The following MPP7 variants were observed in gnomAD, a reference collection of about 807,000 sequenced individuals.
The protein encoded by MPP7 is MAGUK p55 subfamily member 7.
Under a neutral mutation model 76.5 loss-of-function variants are expected in MPP7, and 60 were observed. The observed-to-expected ratio is 0.78, with a 90% CI of 0.64 to 0.97. The LOEUF (loss-of-function observed/expected upper bound fraction) is 0.97, where lower values mean the gene tolerates loss of function less well. Among genes scored for constraint, MPP7 ranks in the 50% least tolerant of loss-of-function variants. MPP7 has a pLI of 0.00. For synonymous variants in MPP7, 237 were observed against 244.5 expected, an observed-to-expected ratio of 0.97 and a Z score of 0.29; for missense variants, 641 against 694.0, an observed-to-expected ratio of 0.92 and a Z score of 0.86.
At chr10:28,094,124 T>G (rs181687263) in intron 11 of MPP7, among the ~76,000 whole-genome samples, 52 of 152,252 alleles carry the variant, frequency 3.4e-4, no homozygotes, top group African/African-American at 1.3e-3. Flanking sequence ...CTGAGTCTGC[T>G]CCCCGCGGGG....
intron 5 of MPP7, among the ~76,000 whole-genome samples, chr10:28,137,372 T>C (rs1835382239): frequency 6.6e-6 from 1 of 152,328 alleles, no homozygotes; most frequent in Admixed American, 6.5e-5. Context: ...TGTTGGCAGA[T>C]GGAAATGTGG....
At chr10:28,222,800 C>T (rs1157582048) in intron 2 of MPP7, among the ~76,000 whole-genome samples, 1 of 145,976 alleles carries the variant, frequency 6.9e-6, no homozygotes, top group African/African-American at 2.6e-5. Flanking sequence ...TGCAGTGAGC[C>T]AAGATCGCGC....
At chr10:28,195,433 A>C (rs959255339) in intron 3 of MPP7, among the ~76,000 whole-genome samples, 1 of 152,230 alleles carries the variant, frequency 6.6e-6, no homozygotes, top group Non-Finnish European at 1.5e-5. Flanking sequence ...GCAATAACTT[A>C]TACACAAATG....
rs546717117 is a variant in MPP7, at chr10:28,129,939, T to C, written c.447+1621A>G. Among the ~76,000 whole-genome samples, 537 of 152,270 alleles carry C rather than the reference T, an allele frequency of 3.5e-3. 2 individuals carry two copies. Among genetic ancestry groups the C allele is most frequent in the African/African-American group, 0.012 (502 of 41,550 alleles). On this transcript the variant is annotated intron_variant, in intron 6 of 16. Transcript: ENST00000683449. The stretch of plus-strand genomic sequence containing the variant: ...ACACTGAGAATTTAGGATCGAAATC[T>C]ACTCACCAACAAACAGAATTTCATT...
chr10:28,168,262 T>C lies in MPP7; in HGVS notation c.157-18203A>G, dbSNP rs1410068923. Among the ~76,000 whole-genome samples the C allele has an allele frequency of 9.9e-5, 15 of 152,276 alleles. No homozygotes were observed. The South Asian group carries it at 3.1e-3, about 32-fold the overall frequency. Reference sequence around the variant, plus strand: ...AAAAGATTATATTTTCTATATCTACTGGCCCCTACATGTTTCTGATGTTTT... The same window carrying C: ...AAAAGATTATATTTTCTATATCTACCGGCCCCTACATGTTTCTGATGTTTT... On this transcript the variant is annotated intron_variant, in intron 3 of 16. Coordinates refer to ENST00000683449, the MANE Select transcript of MPP7 (RefSeq NM_001318170.2).
intron 2 of MPP7, among the ~76,000 whole-genome samples, chr10:28,212,313 T>C (rs932215606): frequency 6.6e-6 from 1 of 152,136 alleles, no homozygotes; most frequent in African/African-American, 2.4e-5. Context: ...CAGGTGGATT[T>C]TCAAGGAAGA....
chr10:28,182,302 T>C (rs545056143), intron 3 of MPP7, among the ~76,000 whole-genome samples: 38 of 152,318 alleles, frequency 2.5e-4, no homozygotes, highest in African/African-American at 9.1e-4. Flanking sequence ...TTCAAATTGA[T>C]CCTGTTGGTA....
At chr10:28,259,603 A>G (rs1357068268) in intron 1 of MPP7, among the ~76,000 whole-genome samples, 1 of 144,156 alleles carries the variant, frequency 6.9e-6, no homozygotes, top group African/African-American at 2.6e-5. Flanking sequence ...AAAGAAAAAG[A>G]TGAGGGGAGG....
chr10:28,110,192 C>T (rs894734047), intron 11 of MPP7, among the ~76,000 whole-genome samples: 1 of 151,662 alleles, frequency 6.6e-6, no homozygotes. Flanking sequence ...TGAGTTCAAG[C>T]GATTCTCCTG....
At chr10:28,118,152 CAATT>C (rs1834716942) in intron 11 of MPP7, 14 of 984,668 alleles carry the variant, frequency 1.4e-5, no homozygotes, top group Non-Finnish European at 1.7e-5. Flanking sequence ...GACTCCGTTA[CAATT>C]AATACTTCTA....
intron 12 of MPP7, among the ~76,000 whole-genome samples, chr10:28,080,869 T>C (rs1012839588): frequency 4.6e-5 from 7 of 152,346 alleles, no homozygotes; most frequent in African/African-American, 1.2e-4. Flanking sequence ...CCAACTCTAA[T>C]TCTACAAGCC....
At chr10:28,182,398 G>A (rs1837087884) in intron 3 of MPP7, among the ~76,000 whole-genome samples, 1 of 152,184 alleles carries the variant, frequency 6.6e-6, no homozygotes, top group Non-Finnish European at 1.5e-5. Flanking sequence ...TGAAGTAATT[G>A]GAACTCCTGG....
chr10:28,273,769 C>T (rs1474403781), intron 1 of MPP7, among the ~76,000 whole-genome samples: 1 of 152,168 alleles, frequency 6.6e-6, no homozygotes, highest in African/African-American at 2.4e-5. Context: ...TTCACTAGAC[C>T]TCCCAGATTT....
chr10:28,145,423 G>T (rs1231021996), intron 5 of MPP7, among the ~76,000 whole-genome samples: 1 of 151,962 alleles, frequency 6.6e-6, no homozygotes, highest in Non-Finnish European at 1.5e-5. Flanking sequence ...TACATACCTT[G>T]CTTCTGTTTA....
At chr10:28,177,260 C>CAAAAAAAAAA (rs57984876) in intron 3 of MPP7, among the ~76,000 whole-genome samples, 5 of 104,158 alleles carry the variant, frequency 4.8e-5, no homozygotes, top group African/African-American at 1.1e-4. Flanking sequence ...ACTAAAAATG[C>CAAAAAAAAAA]AAAAAAAAAA....
chr10:28,144,117 G>C (rs2133744916), intron 5 of MPP7, among the ~76,000 whole-genome samples: 1 of 152,236 alleles, frequency 6.6e-6, no homozygotes, highest in South Asian at 2.1e-4. Flanking sequence ...TCGAACTCCT[G>C]ACCTCCGGTG....
chr10:28,212,569 A>G (rs1323593940), intron 2 of MPP7, among the ~76,000 whole-genome samples: 1 of 152,170 alleles, frequency 6.6e-6, no homozygotes, highest in Non-Finnish European at 1.5e-5. Context: ...CATGATTTGT[A>G]CTTAAAGCCA....
chr10:28,314,196 T>C lies in MPP7; in HGVS notation c.-132+15733A>G, dbSNP rs141312551. On this transcript the variant is annotated intron_variant, in intron 2 of 11. Transcript: ENST00000441595. ...ATTCAACAAACATTTACTGAGCACC[T>C]ACTATGTGCCAGGTAGTGTGGTGGG... 2.2e-4 allele frequency among the ~76,000 whole-genome samples: 34 copies of C among 152,364 alleles called. 1 individual carries two copies. Among genetic ancestry groups the C allele is most frequent in the Non-Finnish European group, 4.3e-4 (29 of 68,040 alleles).
intron 2 of MPP7, among the ~76,000 whole-genome samples, chr10:28,218,856 C>T (rs189580628): frequency 2.4e-4 from 36 of 152,208 alleles, no homozygotes; most frequent in African/African-American, 6.7e-4. Flanking sequence ...GACCTAGGGC[C>T]GATTAGAATC....
Sources: allele counts gnomAD v4.1 joint callset (sites outside exome capture counted in the v4.1 genomes callset), GRCh38; gene constraint gnomAD v4.1.1; transcripts MANE v1.5; gene names NCBI Gene and HGNC (gene_info 2026-07-23, HGNC 2026-07-21).